Variants in MCTP2 observed in about 807,000 individuals in gnomAD.
The protein encoded by MCTP2 is multiple C2 and transmembrane domain-containing protein 2.
Under a neutral mutation model 111.6 loss-of-function variants are expected in MCTP2, and 132 were observed. That is an observed-to-expected ratio of 1.18 (90% confidence interval 1.03 to 1.37). MCTP2 has a LOEUF of 1.37. Ranked by LOEUF, MCTP2 falls within the 40% of genes most tolerant of loss-of-function variation. The probability of loss-of-function intolerance (pLI) is 0.00; values close to 1 mark genes in which losing one functional copy is unlikely to be tolerated. For synonymous variants in MCTP2, 395 were observed against 387.7 expected, an observed-to-expected ratio of 1.02 and a Z score of -0.22; for missense variants, 1,183 against 1,067.9, an observed-to-expected ratio of 1.11 and a Z score of -1.50.
At chr15:94,330,164 C>A (rs1204288372) in intron 4 of MCTP2, among the ~76,000 whole-genome samples, 1 of 152,142 alleles carries the variant, frequency 6.6e-6, no homozygotes, top group Non-Finnish European at 1.5e-5. Context: ...TATTCCTCAT[C>A]CTTAAAGAAG....
At chr15:94,384,633 G>C (rs147306381) in intron 13 of MCTP2, among the ~76,000 whole-genome samples, 1 of 152,300 alleles carries the variant, frequency 6.6e-6, no homozygotes, top group African/African-American at 2.4e-5. Context: ...ATCTTAGTTT[G>C]CTTCAGATTT....
At chr15:94,273,248 G>T (rs1275304633) in intron 1 of MCTP2, among the ~76,000 whole-genome samples, 1 of 152,160 alleles carries the variant, frequency 6.6e-6, no homozygotes, top group Non-Finnish European at 1.5e-5. Context: ...TTCACTAAAT[G>T]GCATATATAG....
At position 94,385,630 on chromosome 15, in the gene MCTP2, T is replaced by C. The variant is rs1347945651; in HGVS notation, c.1788+105T>C. On this transcript the variant is annotated intron_variant, in intron 14 of 22. Transcript: ENST00000357742. ...TTGTCAACCTGGGGGAAAAAAATCC[T>C]CCTAACTATAGCAGGAAACGACTGT... 4 of 773,838 alleles carry C rather than the reference T, an allele frequency of 5.2e-6. No homozygotes were observed. The East Asian group carries it at 9.9e-5, about 19-fold the overall frequency. 47.9% of individuals were successfully genotyped at this position (773,838 alleles called of 1,614,324 possible).
In MCTP2 at chr15:94,483,841, T is replaced by G. The variant is rs765417248; in HGVS notation, c.*4807T>G. 2 of 152,178 alleles carry G rather than the reference T, an allele frequency of 1.3e-5. No individual in the cohort carries two copies. Among genetic ancestry groups the G allele is most frequent in the Non-Finnish European group, 2.9e-5 (2 of 68,028 alleles). The allele number at this position is 152,178 out of a possible 1,614,324, so 9.4% of individuals were successfully genotyped here. A position where few individuals can be genotyped will look rare whatever the true frequency, so the allele number is the denominator to read the frequency against. On this transcript the variant is annotated 3_prime_UTR_variant, in exon 23 of 23. Coordinates refer to ENST00000357742, the MANE Select transcript of MCTP2 (RefSeq NM_001385001.1). ...TGTAACAAACCTGCACAGTTACCCC[T>G]GAACTTTAAAAAAAACTATGTTCTA...
intron 19 of MCTP2, 100 bp downstream of exon 19, chr15:94,443,060 T>TC (rs2083879552): frequency 2.2e-6 from 2 of 911,826 alleles, no homozygotes. Flanking sequence ...TTTTTTTTTT[T>TC]TTTTAATATG....
intron 1 of MCTP2, among the ~76,000 whole-genome samples, chr15:94,254,353 T>G (rs1304137120): frequency 1.3e-5 from 2 of 152,178 alleles, no homozygotes; most frequent in Non-Finnish European, 2.9e-5. Flanking sequence ...TAAGCACAGA[T>G]GTTGTGGTCA....
Position 94,264,977 on chromosome 15 carries a change from A to T in MCTP2, c.-65-33224A>T, listed in dbSNP as rs1000638774. Among the ~76,000 whole-genome samples the T allele has an allele frequency of 2.0e-5, 3 of 151,860 alleles. No homozygotes were observed. In the South Asian group the frequency reaches 6.2e-4, roughly 32 times the overall value. On this transcript the variant is annotated intron_variant, in intron 1 of 22. Coordinates refer to ENST00000357742, the MANE Select transcript of MCTP2 (RefSeq NM_001385001.1). ...AAATAAAGGATTTTTTTTTTCAGGG[A>T]GCACACATCTATTTCTGGAACTGAA...
At chr15:94,446,186 A>G (rs1237566763) in intron 19 of MCTP2, among the ~76,000 whole-genome samples, 3 of 152,246 alleles carry the variant, frequency 2.0e-5, no homozygotes, top group Admixed American at 2.0e-4. Context: ...TTCAGGGATA[A>G]CATAGAACTT....
intron 1 of MCTP2, among the ~76,000 whole-genome samples, chr15:94,232,757 A>G (rs1054676892): frequency 2.0e-5 from 3 of 152,292 alleles, no homozygotes; most frequent in Non-Finnish European, 2.9e-5. Flanking sequence ...ATCGCTGGTT[A>G]TAAGTATTTA....
chr15:94,435,874 G>A (rs968711513), intron 17 of MCTP2, among the ~76,000 whole-genome samples: 33 of 151,394 alleles, frequency 2.2e-4, no homozygotes, highest in African/African-American at 7.5e-4. Context: ...CTCGTGATCC[G>A]CCCGCCTCGG....
intron 1 of MCTP2, among the ~76,000 whole-genome samples, chr15:94,239,554 C>T (rs749174956): frequency 5.3e-5 from 8 of 152,206 alleles, no homozygotes; most frequent in Non-Finnish European, 7.3e-5. Context: ...ACATGAGCTC[C>T]CTCCCCTGTC....
rs1011116714 is a variant in MCTP2 at position 94,483,115 on chromosome 15, G to A, written c.*4081G>A. 2.6e-5 allele frequency: 4 copies of A among 152,106 alleles called. No individual in the cohort carries two copies. The highest frequency in any genetic ancestry group is 9.7e-5 in the African/African-American group (4 of 41,420). The allele number at this position is 152,106 out of a possible 1,614,324, so 9.4% of individuals were successfully genotyped here. A position where few individuals can be genotyped will look rare whatever the true frequency, so the allele number is the denominator to read the frequency against. On this transcript the variant is annotated 3_prime_UTR_variant, in exon 23 of 23. Transcript: ENST00000357742. ...AATTTGGAATGAAAGGAGATATTTG[G>A]GATTATTTTAGTAAGAAAACAGAGG...
intron 2 of MCTP2, among the ~76,000 whole-genome samples, chr15:94,312,121 T>C (rs1011242814): frequency 1.3e-5 from 2 of 152,214 alleles, no homozygotes; most frequent in East Asian, 3.8e-4. Context: ...CCATAGCATG[T>C]GATTTTTCAG....
chr15:94,259,710 T>C (rs1247673877), intron 1 of MCTP2, among the ~76,000 whole-genome samples: 1 of 152,214 alleles, frequency 6.6e-6, no homozygotes, highest in Non-Finnish European at 1.5e-5. Flanking sequence ...CTGTGATGAT[T>C]ATTTCTACTT....
chr15:94,270,759 T>A (rs1327717104), intron 1 of MCTP2, among the ~76,000 whole-genome samples: 4 of 152,232 alleles, frequency 2.6e-5, no homozygotes, highest in Non-Finnish European at 5.9e-5. Flanking sequence ...AGGGGTGTTT[T>A]CCTGATGCAT....
chr15:94,284,582 T>C (rs2074661314), intron 1 of MCTP2, among the ~76,000 whole-genome samples: 1 of 152,232 alleles, frequency 6.6e-6, no homozygotes, highest in Admixed American at 6.5e-5. Context: ...GTACGACTTA[T>C]GTAAAGTTTA....
rs2071117965 is a variant in MCTP2, at chr15:94,242,979, ACATACACG to A, written c.-66+11316_-66+11323del. Among the ~76,000 whole-genome samples, 3 of 90,128 alleles carry A rather than the reference ACATACACG, an allele frequency of 3.3e-5. 1 individual carries two copies. The highest frequency in any genetic ancestry group is 4.9e-5 in the Non-Finnish European group (2 of 40,936). 59.1% of individuals were successfully genotyped at this position (90,128 alleles called of 152,430 possible). On this transcript the variant is annotated intron_variant, in intron 1 of 22. Coordinates refer to ENST00000357742, the MANE Select transcript of MCTP2 (RefSeq NM_001385001.1). Reference sequence around the variant, plus strand: ...TATACACGTGTATATGTGTATCTACACATACACGTGTATATGTGTATCTACACATACAC... The same window carrying A: ...TATACACGTGTATATGTGTATCTACATGTATATGTGTATCTACACATACAC...
intron 1 of MCTP2, among the ~76,000 whole-genome samples, chr15:94,294,392 C>T (rs892492668): frequency 6.6e-6 from 1 of 152,094 alleles, no homozygotes; most frequent in African/African-American, 2.4e-5. Flanking sequence ...CATTTCTTAA[C>T]AAAACAAAGA....
chr15:94,240,147 A>G (rs1163951504), intron 1 of MCTP2, among the ~76,000 whole-genome samples: 3 of 152,062 alleles, frequency 2.0e-5, no homozygotes, highest in Non-Finnish European at 4.4e-5. Context: ...TAGCTGCTGT[A>G]TATTTTATTT....
Sources: gnomAD v4.1 joint callset for allele counts (sites outside exome capture counted in the v4.1 genomes callset) on GRCh38, gnomAD v4.1.1 for gene constraint, MANE v1.5 for transcripts, NCBI Gene and HGNC (gene_info 2026-07-23, HGNC 2026-07-21) for gene names.